Variants in SFMBT2 observed in about 807,000 individuals in gnomAD.
SFMBT2 encodes scm-like with four MBT domains protein 2.
Under a neutral mutation model 110.1 loss-of-function variants are expected in SFMBT2, and 38 were observed. The observed-to-expected ratio is 0.35, with a 90% CI of 0.27 to 0.45. The LOEUF (loss-of-function observed/expected upper bound fraction) is 0.45. SFMBT2 is among the 20% of genes least tolerant of loss of function. The probability of loss-of-function intolerance (pLI) is 1.00; values close to 1 mark genes in which losing one functional copy is unlikely to be tolerated. For synonymous variants in SFMBT2, 425 were observed against 425.4 expected, an observed-to-expected ratio of 1.00 and a Z score of 0.01; for missense variants, 1,011 against 1,094.9, an observed-to-expected ratio of 0.92 and a Z score of 1.08.
chr10:7,357,693 T>C (rs1844563819), intron 4 of SFMBT2, among the ~76,000 whole-genome samples: 1 of 152,210 alleles, frequency 6.6e-6, no homozygotes. Context: ...TGAATAATCC[T>C]TGGGAACCAT....
At chr10:7,205,069 G>A in intron 12 of SFMBT2, 1 of 344,946 alleles carries the variant, frequency 2.9e-6, no homozygotes, top group Non-Finnish European at 4.1e-6. Context: ...GCTAAGAGTA[G>A]GCTGTTTATT....
intron 7 of SFMBT2, among the ~76,000 whole-genome samples, chr10:7,266,237 G>C (rs1292031752): frequency 2.0e-5 from 3 of 152,098 alleles, no homozygotes; most frequent in African/African-American, 7.2e-5. Context: ...TTATAGGCAA[G>C]CACCACCATG....
intron 7 of SFMBT2, among the ~76,000 whole-genome samples, chr10:7,258,689 G>A (rs912157833): frequency 1.3e-5 from 2 of 152,118 alleles, no homozygotes; most frequent in Non-Finnish European, 2.9e-5. Flanking sequence ...AAACCATCCA[G>A]AACCATTTAT....
chr10:7,344,267 A>G (rs1844029848), intron 4 of SFMBT2, among the ~76,000 whole-genome samples: 1 of 152,206 alleles, frequency 6.6e-6, no homozygotes, highest in Non-Finnish European at 1.5e-5. Flanking sequence ...TGTGTCCCCA[A>G]CCAAATCTCA....
intron 12 of SFMBT2, chr10:7,203,737 G>C: frequency 1.1e-6 from 1 of 891,766 alleles, no homozygotes; most frequent in Non-Finnish European, 1.3e-6. Context: ...GTGAGACAGA[G>C]CGGAGTATCG....
rs879510133 is a variant in SFMBT2 at position 7,315,103 on chromosome 10, AGAAAGAAAAAGC to A, written c.437-29161_437-29150del. ...AAGAAAGAAAGAAAGAAAGAAAGAA[AGAAAGAAAAAGC>A]AAGCAAGCAAGCCAGCCAATCCGGC... On this transcript the variant is annotated intron_variant, in intron 4 of 20. Coordinates refer to ENST00000397167, the MANE Select transcript of SFMBT2 (RefSeq NM_001387889.1). 3.2e-3 allele frequency among the ~76,000 whole-genome samples: 467 copies of A among 145,280 alleles called. 3 individuals are homozygous for A. Among genetic ancestry groups the A allele is most frequent in the Non-Finnish European group, 5.1e-3 (330 of 64,256 alleles).
At chr10:7,284,309 C>A (rs1005479956) in intron 5 of SFMBT2, 159 bp from the exon 6 acceptor site, 30 of 1,428,138 alleles carry the variant, frequency 2.1e-5, no homozygotes, top group African/African-American at 2.0e-4. Flanking sequence ...GCCCATGCCC[C>A]ACCCCTTCCC....
intron 4 of SFMBT2, chr10:7,348,156 T>C: frequency 1.7e-6 from 1 of 590,714 alleles, no homozygotes. Flanking sequence ...TCTAAAAACA[T>C]TTTATTTTCT....
intron 11 of SFMBT2, 38 bp downstream of exon 11, chr10:7,220,373 A>G (rs1174142708): frequency 6.9e-6 from 11 of 1,599,014 alleles, no homozygotes; most frequent in Middle Eastern, 1.7e-4. Flanking sequence ...CAAACTCTAC[A>G]TTCCCCCCAG....
intron 4 of SFMBT2, among the ~76,000 whole-genome samples, chr10:7,294,811 T>C (rs79676230): frequency 6.6e-6 from 1 of 152,326 alleles, no homozygotes; most frequent in African/African-American, 2.4e-5. Flanking sequence ...TTCTTAAATT[T>C]TCACTAATCT....
chr10:7,222,832 G>C (rs1274176675), intron 10 of SFMBT2, among the ~76,000 whole-genome samples: 1 of 152,056 alleles, frequency 6.6e-6, no homozygotes, highest in African/African-American at 2.4e-5. Context: ...ACCATGCCCA[G>C]CTAATTTTTT....
At chr10:7,371,051 A>G (rs1564462871) in intron 2 of SFMBT2, among the ~76,000 whole-genome samples, 1 of 152,226 alleles carries the variant, frequency 6.6e-6, no homozygotes, top group African/African-American at 2.4e-5. Context: ...ACCACAAGGA[A>G]TAAAGAGAAA....
In SFMBT2 at chr10:7,385,857, A is replaced by G. The variant is rs563971872; in HGVS notation, c.-51-3908T>C. 4.4e-3 allele frequency among the ~76,000 whole-genome samples: 677 copies of G among 152,192 alleles called. 3 individuals carry two copies. Among genetic ancestry groups the G allele is most frequent in the African/African-American group, 0.015 (604 of 41,538 alleles). On this transcript the variant is annotated intron_variant, in intron 1 of 20. Transcript: ENST00000397167. Reference sequence around the variant, plus strand: ...TACTAAAAATACAAAAAAATTAGCCAGGCGTGGTGGTGGGCACCTGTAGTC... The same window carrying G: ...TACTAAAAATACAAAAAAATTAGCCGGGCGTGGTGGTGGGCACCTGTAGTC...
intron 16 of SFMBT2, chr10:7,176,397 C>G (rs558432442): frequency 1.2e-6 from 1 of 834,322 alleles, no homozygotes; most frequent in Admixed American, 6.2e-5. Flanking sequence ...TCCATAAACA[C>G]CCCCACATGT....
At chr10:7,269,823 TTC>T (rs200854462) in intron 7 of SFMBT2, among the ~76,000 whole-genome samples, 1 of 60,344 alleles carries the variant, frequency 1.7e-5, no homozygotes, top group Non-Finnish European at 4.0e-5. Context: ...GAGAGAAGAT[TTC>T]TCTTTTTTTT....
intron 9 of SFMBT2, among the ~76,000 whole-genome samples, chr10:7,233,840 T>A (rs1422818895): frequency 6.6e-6 from 1 of 152,240 alleles, no homozygotes; most frequent in East Asian, 1.9e-4. Flanking sequence ...AGGGGATGAA[T>A]GTCCCATGGC....
chr10:7,233,143 T>A (rs1388205253), intron 9 of SFMBT2, among the ~76,000 whole-genome samples: 1 of 152,198 alleles, frequency 6.6e-6, no homozygotes, highest in African/African-American at 2.4e-5. Flanking sequence ...AGCAAAGGAA[T>A]ACCATGTTTG....
chr10:7,171,056 C>T lies in SFMBT2; in HGVS notation c.2416G>A (p.Asp806Asn). 6.2e-7 allele frequency: 1 copy of T among 1,614,126 alleles called. No individual in the cohort carries two copies. The highest frequency in any genetic ancestry group is 8.5e-7 in the Non-Finnish European group (1 of 1,179,994). ...CPPTKPEGTE[D>N]TKQEEEERLV... The stretch of plus-strand genomic sequence containing the variant: ...CTCTCCTCCTCCTCCTGTTTCGTGT[C>T]CTGCAGAGAAAGGGCAGGAGGAGCT... The change falls in exon 20 of 21, where the codon GAC becomes AAC. Residue 806 changes from aspartate (D) to asparagine (N), a missense_variant and splice_region_variant. By Grantham distance (23) the Asp-to-Asn change is conservative. Around this residue, in one of 2 missense-constraint regions of SFMBT2, gnomAD observed 979 missense variants for 1,016.1 expected, o/e 0.96. Transcript: ENST00000397167. This position sits in a 1 kb window ranked among gnomAD's most constrained non-coding sequence, Gnocchi z 4.9.
rs1332101891 is a variant in SFMBT2, at chr10:7,171,844, T to G, written c.2415+51A>C. On this transcript the variant is annotated intron_variant, in intron 19 of 20. Transcript: ENST00000397167. This position sits in a 1 kb window ranked among gnomAD's most constrained non-coding sequence, Gnocchi z 4.9. ...TCGTGGCCCTGAAGTGTAACAGGTG[T>G]GCTTCTTCAGACCCAGCGGGAAGCC... The G allele has an allele frequency of 1.5e-6, 2 of 1,376,186 alleles. No individual in the cohort carries two copies. The highest frequency in any genetic ancestry group is 9.4e-7 in the Non-Finnish European group (1 of 1,066,944). The allele number at this position is 1,376,186 out of a possible 1,614,324, so 85.2% of individuals were successfully genotyped here.
Sources: allele counts gnomAD v4.1 joint callset (sites outside exome capture counted in the v4.1 genomes callset), GRCh38; gene constraint gnomAD v4.1.1; regional missense constraint gnomAD v4.1.1; non-coding constraint Gnocchi (gnomAD v3.1); transcripts MANE v1.5; gene names NCBI Gene and HGNC (gene_info 2026-07-23, HGNC 2026-07-21).